Variants in ZSWIM8 observed in about 807,000 individuals in gnomAD.
ZSWIM8 encodes the protein zinc finger SWIM domain-containing protein 8.
In ZSWIM8, 27 loss-of-function variants were observed where a neutral mutation model predicts 173.7. The observed-to-expected ratio is 0.16, with a 90% confidence interval of 0.11 to 0.21. The LOEUF is 0.21. Among genes scored for constraint, ZSWIM8 ranks in the 10% least tolerant of loss-of-function variants. ZSWIM8 has a pLI of 1.00. For synonymous variants in ZSWIM8, 958 were observed against 962.0 expected (o/e 1.00, Z 0.08); for missense variants, 1,627 against 2,428.8 (o/e 0.67, Z 6.94).
chr10:73,790,134 C>T (rs772465615), intron 6 of ZSWIM8, 38 bp from the exon 7 acceptor site: 2 of 1,610,698 alleles, frequency 1.2e-6, no homozygotes, highest in African/African-American at 1.3e-5. Context: ...CAAATCCAGG[C>T]CCCTATCTCT....
In ZSWIM8 at chr10:73,789,654, CCCAGCT is replaced by C. The variant is rs1369450116; in HGVS notation, c.631-51_631-46del. ...CCTCGCCTACTCTGCCTCTCTGTCC[CCCAGCT>C]CCAGCTCCAGCAAACCTGTTCTCAG... is the stretch of plus-strand genomic sequence containing the variant. On this transcript the variant is annotated intron_variant, in intron 4 of 25. Transcript: ENST00000604729. The surrounding 1 kb of genome is among the most constrained non-coding windows in gnomAD (Gnocchi z 6.8). 5.2e-6 allele frequency: 8 copies of C among 1,552,634 alleles called. No individual in the cohort carries two copies. Among genetic ancestry groups the C allele is most frequent in the Non-Finnish European group, 7.0e-6 (8 of 1,144,552 alleles).
rs768549935 is a variant in ZSWIM8, at chr10:73,800,314, C to T, written c.4844C>T (p.Ala1615Val). ...CACTTAGTGAGCAGTGTCCATCCAG[C>T]ATCCACGTTTCCAGCCATCCAAGGT... ...TSVALSSVHP[A>V]STFPAIQGAS... Residue 1615 changes from alanine to valine, a missense_variant, in exon 23 of 26, where the codon GCA becomes GTA. Transcript: ENST00000604729. The surrounding 1 kb of genome is among the most constrained non-coding windows in gnomAD (Gnocchi z 4.1). The T allele has an allele frequency of 3.1e-6, 5 of 1,613,770 alleles. No homozygotes were observed. The Admixed American group carries it at 5.0e-5, about 16-fold the overall frequency.
rs1410124342 is a variant in ZSWIM8 at position 73,786,105 on chromosome 10, G to A, written c.208+19G>A. The A allele has an allele frequency of 2.0e-6, 3 of 1,533,006 alleles. No homozygotes were observed. In the South Asian group the frequency reaches 3.6e-5, roughly 19 times the overall value. The allele number at this position is 1,533,006 out of a possible 1,614,324, so 95.0% of individuals were successfully genotyped here. On this transcript the variant is annotated intron_variant, in intron 1 of 25. Transcript: ENST00000604729. ...ATGCGAGGTGAGAGTGAGCTGGGGG[G>A]AAGAGGAGCGGCAGGCCCTGCTTGG... is the stretch of plus-strand genomic sequence containing the variant.
chr10:73,794,695 G>T (rs2083548534), intron 14 of ZSWIM8, 56 bp downstream of exon 14: 2 of 1,445,098 alleles, frequency 1.4e-6, no homozygotes, highest in African/African-American at 1.4e-5. Context: ...AAGGACATGA[G>T]ACCTGTGCCT....
chr10:73,799,641 G>T, intron 21 of ZSWIM8, 151 bp downstream of exon 21: 4 of 1,118,754 alleles, frequency 3.6e-6, no homozygotes, highest in East Asian at 2.6e-5. Context: ...ACTAAAATAA[G>T]AAATGACGGC....
chr10:73,790,589 C>G (rs1164364014), intron 7 of ZSWIM8, among the ~76,000 whole-genome samples: 1 of 152,092 alleles, frequency 6.6e-6, no homozygotes, highest in Non-Finnish European at 1.5e-5. Context: ...TGGCTCATAC[C>G]TATAATCCCA....
rs969213554 is a variant in ZSWIM8 at position 73,798,222 on chromosome 10, C to T, written c.3953-8C>T. On this transcript the variant is annotated splice_region_variant and splice_polypyrimidine_tract_variant and intron_variant, in intron 19 of 25. Coordinates refer to ENST00000604729, the MANE Select transcript of ZSWIM8 (RefSeq NM_001367799.1). ...ACCCAACTCTGCCCTTCTCTCCTTTCCCCTAAGGCCAGGCCATGGAGATAG... is the reference window on the plus strand; with the variant it reads ...ACCCAACTCTGCCCTTCTCTCCTTTTCCCTAAGGCCAGGCCATGGAGATAG... 2 of 1,613,486 alleles carry T rather than the reference C, an allele frequency of 1.2e-6. No homozygotes were observed. Among genetic ancestry groups the T allele is most frequent in the Non-Finnish European group, 1.7e-6 (2 of 1,179,552 alleles).
rs1288975067 is a variant in ZSWIM8 at position 73,799,371 on chromosome 10, C to T, written c.4546C>T (p.Leu1516=). Residue 1516 remains leucine (L), a synonymous_variant, in exon 21 of 26, where the codon CTA becomes TTA. Transcript: ENST00000604729. The part of the protein sequence containing the change: ...HSPGLHPYTA[L]QPHLPCSPQY... ...CCCTGGCCTGCACCCCTACACTGCT[C>T]TACAGCCCCACCTGCCCTGTAGCCC... The T allele has an allele frequency of 6.2e-7, 1 of 1,612,020 alleles. No individual in the cohort carries two copies. Among genetic ancestry groups the T allele is most frequent in the Admixed American group, 1.7e-5 (1 of 59,816 alleles).
chr10:73,797,231 G>C lies in ZSWIM8; in HGVS notation c.3393G>C (p.Arg1131=). 6.2e-7 allele frequency: 1 copy of C among 1,613,994 alleles called. No individual in the cohort carries two copies. The highest frequency in any genetic ancestry group is 8.5e-7 in the Non-Finnish European group (1 of 1,179,876). ...ALGSRGGYNG[R]GWGSPGRPKK... ...GCAGTCGTGGAGGCTATAATGGACG[G>C]GGATGGGGGTCCCCAGGACGGCCTA... The change falls in exon 17 of 26, where the codon CGG becomes CGC. Residue 1131 remains arginine (R), a synonymous_variant. Coordinates refer to ENST00000604729, the MANE Select transcript of ZSWIM8 (RefSeq NM_001367799.1). This position sits in a 1 kb window ranked among gnomAD's most constrained non-coding sequence, Gnocchi z 5.6.
Position 73,799,236 on chromosome 10 carries a change from G to A in ZSWIM8, c.4411G>A (p.Glu1471Lys), listed in dbSNP as rs766956710. The A allele has an allele frequency of 1.2e-6, 2 of 1,603,998 alleles. No individual in the cohort carries two copies. The highest frequency in any genetic ancestry group is 8.5e-7 in the Non-Finnish European group (1 of 1,175,266). The stretch of plus-strand genomic sequence containing the variant: ...TGAGGGTAGAGGGGGCCCAGGGACT[G>A]AGCCGGTTACAGTGGCAGCGGCAGC... ...MPEGRGGPGT[E>K]PVTVAAAAVT... The change falls in exon 21 of 26, where the codon GAG becomes AAG. Residue 1471 changes from glutamate to lysine, a missense_variant. Physicochemically the swap from Glu to Lys is moderately conservative, Grantham distance 56. This residue lies in a region of ZSWIM8 where 275 missense variants were observed against 290.1 expected (regional missense o/e 0.95). Coordinates refer to ENST00000604729, the MANE Select transcript of ZSWIM8 (RefSeq NM_001367799.1).
intron 1 of ZSWIM8, 164 bp downstream of exon 1, chr10:73,786,250 A>G: frequency 3.9e-6 from 3 of 774,764 alleles, no homozygotes; most frequent in Non-Finnish European, 3.9e-6. Context: ...AGCTGTCCCA[A>G]GCTTAGAACA....
At position 73,790,218 on chromosome 10, in the gene ZSWIM8, G is replaced by A. The variant is rs1270643116; in HGVS notation, c.867G>A (p.Leu289=). 1.2e-6 allele frequency: 2 copies of A among 1,613,762 alleles called. No individual in the cohort carries two copies. Among genetic ancestry groups the A allele is most frequent in the Non-Finnish European group, 1.7e-6 (2 of 1,179,770 alleles). The change falls in exon 7 of 26, where the codon CTG becomes CTA. Residue 289 remains leucine, a synonymous_variant. Coordinates refer to ENST00000604729, the MANE Select transcript of ZSWIM8 (RefSeq NM_001367799.1). ...PSASDQSTWY[L]DESTLTDNIK... ...CATCGGACCAGAGTACTTGGTATCT[G>A]GATGAATCGACACTCACTGACAACA...
At chr10:73,788,169 C>T (rs1434956423) in intron 1 of ZSWIM8, among the ~76,000 whole-genome samples, 1 of 151,696 alleles carries the variant, frequency 6.6e-6, no homozygotes, top group African/African-American at 2.4e-5. Context: ...TTCTTGAGAT[C>T]CCTTCCGGGC....
intron 14 of ZSWIM8, chr10:73,794,926 TAAAAAAAAAA>T (rs34754583): frequency 2.2e-5 from 2 of 91,706 alleles, no homozygotes; most frequent in African/African-American, 4.2e-5. Context: ...CATCTCTACT[TAAAAAAAAAA>T]AAAAAAAAAA....
At position 73,796,850 on chromosome 10, in the gene ZSWIM8, G is replaced by A. The variant is rs750009205; in HGVS notation, c.3110G>A (p.Arg1037His). The A allele has an allele frequency of 3.1e-6, 5 of 1,613,906 alleles. No individual in the cohort carries two copies. The highest frequency in any genetic ancestry group is 2.2e-5 in the East Asian group (1 of 44,902). The change falls in exon 16 of 26, where the codon CGC becomes CAC. Residue 1037 changes from arginine (R) to histidine (H), a missense_variant. This residue lies in a region of ZSWIM8 where 163 missense variants were observed against 193.2 expected (regional missense o/e 0.84). Transcript: ENST00000604729. The stretch of plus-strand genomic sequence containing the variant: ...CTGAGTTCTTTCTACTCATCTAGCC[G>A]CCCAACCACAGCCAGCCAGAGGTCT... ...QTLSSFYSSS[R>H]PTTASQRSPS...
Position 73,797,748 on chromosome 10 carries a change from C to T in ZSWIM8, c.3663-33C>T. The T allele has an allele frequency of 6.3e-7, 1 of 1,595,158 alleles. No individual in the cohort carries two copies. Among genetic ancestry groups the T allele is most frequent in the Non-Finnish European group, 8.6e-7 (1 of 1,169,138 alleles). ...CCCGGATGCCCATTTCAAAGAAACC[C>T]CAACCCCCGTCCCTACCCCATTGCC... is the stretch of plus-strand genomic sequence containing the variant. On this transcript the variant is annotated intron_variant, in intron 18 of 25. Coordinates refer to ENST00000604729, the MANE Select transcript of ZSWIM8 (RefSeq NM_001367799.1). The surrounding 1 kb of genome is among the most constrained non-coding windows in gnomAD (Gnocchi z 5.6).
Position 73,797,683 on chromosome 10 carries a change from T to C in ZSWIM8, c.3662+78T>C. On this transcript the variant is annotated intron_variant, in intron 18 of 25. Coordinates refer to ENST00000604729, the MANE Select transcript of ZSWIM8 (RefSeq NM_001367799.1). The surrounding 1 kb of genome is among the most constrained non-coding windows in gnomAD (Gnocchi z 5.6). ...CACCCCTAGTGCAATCCAACCATTG[T>C]CTCCCAGCATCCTCACTTTCCCTGG... The C allele has an allele frequency of 3.2e-6, 5 of 1,567,060 alleles. No individual in the cohort carries two copies. The highest frequency in any genetic ancestry group is 4.3e-6 in the Non-Finnish European group (5 of 1,151,634).
intron 21 of ZSWIM8, 115 bp from the exon 22 acceptor site, chr10:73,799,896 G>A (rs551059735): frequency 2.8e-6 from 3 of 1,069,836 alleles, no homozygotes; most frequent in East Asian, 4.9e-5. Flanking sequence ...CTGGAGGACA[G>A]AGCGAGACTC....
Position 73,792,963 on chromosome 10 carries a change from T to C in ZSWIM8, c.2313+111T>C, listed in dbSNP as rs912810930. 1 of 1,332,862 alleles carries C rather than the reference T, an allele frequency of 7.5e-7. No homozygotes were observed. Among genetic ancestry groups the C allele is most frequent in the East Asian group, 2.4e-5 (1 of 42,502 alleles). The allele number at this position is 1,332,862 out of a possible 1,614,324, so 82.6% of individuals were successfully genotyped here. ...CATCAGCAGGATTGTGAGAACCCTG[T>C]TGCAGGCGCCGAACTGGTCTCCCTG... On this transcript the variant is annotated intron_variant, in intron 10 of 25. Transcript: ENST00000604729. This position sits in a 1 kb window ranked among gnomAD's most constrained non-coding sequence, Gnocchi z 4.3.
Sources: allele counts gnomAD v4.1 joint callset (sites outside exome capture counted in the v4.1 genomes callset), GRCh38; gene constraint gnomAD v4.1.1; regional missense constraint gnomAD v4.1.1; non-coding constraint Gnocchi (gnomAD v3.1); transcripts MANE v1.5; gene names NCBI Gene and HGNC (gene_info 2026-07-23, HGNC 2026-07-21).